Variants in KCNC2 observed in about 807,000 individuals in gnomAD.
KCNC2 encodes the protein potassium voltage-gated channel subfamily C member 2, also known as voltage-gated potassium channel KCNC2.
A neutral mutation model predicts 44.5 loss-of-function variants in KCNC2; 21 were observed. The ratio of observed to expected loss-of-function variants is 0.47; its 90% confidence interval spans 0.33 to 0.68. The LOEUF is 0.68. KCNC2 is among the 30% of genes least tolerant of loss of function. The pLI is 0.01. For synonymous variants in KCNC2, 391 were observed against 339.1 expected (o/e 1.15, Z -1.68); for missense variants, 589 against 826.2 (o/e 0.71, Z 3.52).
At chr12:75,208,543 A>G (rs1005200925) in intron 1 of KCNC2, among the ~76,000 whole-genome samples, 2 of 151,044 alleles carry the variant, frequency 1.3e-5, no homozygotes, top group Non-Finnish European at 2.9e-5. Flanking sequence ...AGTTTTCCTC[A>G]GGCAACTTGG....
In KCNC2 at chr12:75,207,839, T is replaced by C; in HGVS notation, c.145A>G (p.Thr49Ala). Residue 49 changes from threonine to alanine, a missense_variant, in exon 2 of 5, where the codon ACG becomes GCG. Coordinates refer to ENST00000549446, the MANE Select transcript of KCNC2 (RefSeq NM_139137.4). The surrounding 1 kb of genome is among the most constrained non-coding windows in gnomAD (Gnocchi z 4.1). ...SSEPPGDCLT[T>A]AGDKLQPSPP... ...GACGGCTGCAGCTTGTCGCCCGCCG[T>C]GGTCAAGCAGTCGCCTGGGGGCTCG... 2 of 1,610,180 alleles carry C rather than the reference T, an allele frequency of 1.2e-6. No homozygotes were observed. The highest frequency in any genetic ancestry group is 2.2e-5 in the South Asian group (2 of 90,900).
rs1005805404 is a variant in KCNC2, at chr12:75,042,588, C to T, written c.*517G>A. 9.5e-6 allele frequency: 13 copies of T among 1,361,308 alleles called. No homozygotes were observed. The highest frequency in any genetic ancestry group is 2.8e-4 in the Middle Eastern group (1 of 3,582). 84.3% of individuals were successfully genotyped at this position (1,361,308 alleles called of 1,614,324 possible). On this transcript the variant is annotated 3_prime_UTR_variant, in exon 5 of 5. Transcript: ENST00000549446. ...TCAGCAGGATGGTTCGATGCAAGTACACATATCCTGAGCTATCCACAGTCC... is the reference window on the plus strand; with the variant it reads ...TCAGCAGGATGGTTCGATGCAAGTATACATATCCTGAGCTATCCACAGTCC...
intron 4 of KCNC2, chr12:75,044,716 T>C (rs530767098): frequency 6.6e-6 from 1 of 152,056 alleles, no homozygotes; most frequent in East Asian, 1.9e-4. Context: ...CCTCACAAAA[T>C]GCACACACAT....
chr12:75,071,986 G>A (rs1184307097), intron 2 of KCNC2, among the ~76,000 whole-genome samples: 6 of 136,524 alleles, frequency 4.4e-5, no homozygotes, highest in South Asian at 2.5e-4. Flanking sequence ...TCATAAAAGC[G>A]AGAGTGAGCT....
At chr12:75,177,660 T>C (rs1892286758) in intron 2 of KCNC2, among the ~76,000 whole-genome samples, 2 of 151,970 alleles carry the variant, frequency 1.3e-5, no homozygotes, top group South Asian at 4.1e-4. Flanking sequence ...AGATATAATA[T>C]CATACACAGA....
rs759357469 is a variant in KCNC2, at chr12:75,093,015, C to CTT, written c.688-41700_688-41699dup. On this transcript the variant is annotated intron_variant, in intron 2 of 4. Coordinates refer to ENST00000549446, the MANE Select transcript of KCNC2 (RefSeq NM_139137.4). ...GTGTGATTGTGATTTGACCTTTAGGCTTTTTTTTTTTTTAATCGTTCGAGT... is the reference window on the plus strand; with the variant it reads ...GTGTGATTGTGATTTGACCTTTAGGCTTTTTTTTTTTTTTTAATCGTTCGAGT... Among the ~76,000 whole-genome samples the CTT allele has an allele frequency of 5.3e-3, 708 of 134,192 alleles. 7 individuals are homozygous for CTT. The highest frequency in any genetic ancestry group is 0.019 in the African/African-American group (689 of 37,016). 88.0% of individuals were successfully genotyped at this position (134,192 alleles called of 152,430 possible). A position where few individuals can be genotyped will look rare whatever the true frequency, so the allele number is the denominator to read the frequency against.
intron 2 of KCNC2, among the ~76,000 whole-genome samples, chr12:75,157,069 T>C (rs1157851438): frequency 6.6e-6 from 1 of 151,866 alleles, no homozygotes; most frequent in Non-Finnish European, 1.5e-5. Flanking sequence ...TGCTTACAAA[T>C]AGTCATTCTC....
At chr12:75,133,175 T>C (rs1023717553) in intron 2 of KCNC2, among the ~76,000 whole-genome samples, 1 of 152,020 alleles carries the variant, frequency 6.6e-6, no homozygotes, top group African/African-American at 2.4e-5. Flanking sequence ...GTTTGGTTAA[T>C]GGATTCAAGA....
chr12:75,120,046 C>T (rs930437103), intron 2 of KCNC2, among the ~76,000 whole-genome samples: 1 of 152,182 alleles, frequency 6.6e-6, no homozygotes. Flanking sequence ...ATCTCCATCT[C>T]GCTTATAATT....
intron 2 of KCNC2, among the ~76,000 whole-genome samples, chr12:75,061,250 G>T (rs1300193688): frequency 6.6e-6 from 1 of 151,974 alleles, no homozygotes; most frequent in East Asian, 1.9e-4. Context: ...TTCCCCAAGT[G>T]GATTTTTAAG....
intron 2 of KCNC2, among the ~76,000 whole-genome samples, chr12:75,075,678 C>A (rs907267485): frequency 3.3e-5 from 5 of 151,704 alleles, no homozygotes; most frequent in East Asian, 3.9e-4. Context: ...AAGTATTGAA[C>A]CTTCTGACTT....
chr12:75,201,980 G>A (rs1417817078), intron 2 of KCNC2, among the ~76,000 whole-genome samples: 3 of 151,868 alleles, frequency 2.0e-5, no homozygotes, highest in Non-Finnish European at 4.4e-5. Context: ...TGGCTCAGAA[G>A]TTCAAAGAAT....
At chr12:75,176,903 G>C in intron 2 of KCNC2, among the ~76,000 whole-genome samples, 1 of 151,564 alleles carries the variant, frequency 6.6e-6, no homozygotes, top group East Asian at 1.9e-4. Flanking sequence ...TTTCAATAGC[G>C]TTCTCAATAA....
chr12:75,106,898 G>A (rs1188392031), intron 2 of KCNC2, among the ~76,000 whole-genome samples: 1 of 152,168 alleles, frequency 6.6e-6, no homozygotes, highest in Non-Finnish European at 1.5e-5. Flanking sequence ...GCCAATATTA[G>A]TCAAGCATTG....
chr12:75,047,642 C>G (rs909094700), intron 4 of KCNC2, among the ~76,000 whole-genome samples: 2 of 151,934 alleles, frequency 1.3e-5, no homozygotes, highest in African/African-American at 4.8e-5. Flanking sequence ...CCTTTGCAAC[C>G]TTGAGACCCT....
At chr12:75,076,034 TACATACAC>T (rs1215628680) in intron 2 of KCNC2, among the ~76,000 whole-genome samples, 2 of 101,048 alleles carry the variant, frequency 2.0e-5, no homozygotes, top group Non-Finnish European at 4.0e-5. Flanking sequence ...TTATTAATGT[TACATACAC>T]ACACACACAC....
rs1368717022 is a variant in KCNC2, at chr12:75,208,044, C to T, written c.-19-42G>A. 1.3e-5 allele frequency: 21 copies of T among 1,600,104 alleles called. No homozygotes were observed. The East Asian group carries it at 4.6e-4, about 35-fold the overall frequency. On this transcript the variant is annotated intron_variant, in intron 1 of 4. Coordinates refer to ENST00000549446, the MANE Select transcript of KCNC2 (RefSeq NM_139137.4). Reference sequence around the variant, plus strand: ...ACAGCGCCGAGTTAAAGATCTTAGCCGTCAAAGACACACCATGACCCCCAC... The same window carrying T: ...ACAGCGCCGAGTTAAAGATCTTAGCTGTCAAAGACACACCATGACCCCCAC...
At chr12:75,089,725 A>G (rs1885317188) in intron 2 of KCNC2, among the ~76,000 whole-genome samples, 1 of 151,884 alleles carries the variant, frequency 6.6e-6, no homozygotes, top group Non-Finnish European at 1.5e-5. Context: ...GTTTCAGATT[A>G]AAATATCTAG....
At chr12:75,077,412 T>C (rs966879636) in intron 2 of KCNC2, among the ~76,000 whole-genome samples, 2 of 152,206 alleles carry the variant, frequency 1.3e-5, no homozygotes, top group Admixed American at 1.3e-4. Flanking sequence ...TTCAGTAATA[T>C]AACTTCACAG....
Sources: gnomAD v4.1 joint callset for allele counts (sites outside exome capture counted in the v4.1 genomes callset) on GRCh38, gnomAD v4.1.1 for gene constraint, Gnocchi (gnomAD v3.1) non-coding constraint, MANE v1.5 for transcripts, NCBI Gene and HGNC (gene_info 2026-07-23, HGNC 2026-07-21) for gene names.